Variants in SUSD5 observed in about 807,000 individuals in gnomAD.
SUSD5 encodes sushi domain-containing protein 5.
In SUSD5, 33 loss-of-function variants were observed where a neutral mutation model predicts 29.5. That is an observed-to-expected ratio of 1.12 (90% CI 0.85 to 1.49). The LOEUF is 1.49. Ranked by LOEUF, SUSD5 falls within the 40% of genes most tolerant of loss-of-function variation. The pLI is 0.00. For missense variants in SUSD5, 776 were observed against 800.6 expected (o/e 0.97, Z 0.37); for synonymous variants, 308 against 325.3 (o/e 0.95, Z 0.57).
intron 3 of SUSD5, among the ~76,000 whole-genome samples, chr3:33,185,396 G>A (rs1234217727): frequency 6.6e-6 from 1 of 152,180 alleles, no homozygotes; most frequent in Non-Finnish European, 1.5e-5. Flanking sequence ...CAAAAGCATG[G>A]GGGCCCCTTG....
intron 3 of SUSD5, among the ~76,000 whole-genome samples, chr3:33,183,290 C>T (rs574111373): frequency 2.6e-4 from 39 of 151,924 alleles, no homozygotes; most frequent in African/African-American, 7.0e-4. Context: ...TATTTGTTAC[C>T]GTATTTTCTG....
rs776880429 is a variant in SUSD5 at position 33,214,065 on chromosome 3, G to A, written c.153C>T (p.Gly51=). ...FVLESQNGSQ[G]LQLEAARLSC... Reference sequence around the variant, plus strand: ...AAAGCCGAGCAGCCTCCAGTTGTAGGCCCTGAGAGCCATTCTGAGACTCCA... The same window carrying A: ...AAAGCCGAGCAGCCTCCAGTTGTAGACCCTGAGAGCCATTCTGAGACTCCA... The change falls in exon 2 of 5, where the codon GGC becomes GGT. Residue 51 remains glycine (G), a synonymous_variant. Transcript: ENST00000309558. The A allele has an allele frequency of 7.4e-6, 12 of 1,612,608 alleles. No individual in the cohort carries two copies. The highest frequency in any genetic ancestry group is 1.7e-4 in the Middle Eastern group (1 of 6,060).
In SUSD5 at chr3:33,153,927, C is replaced by T. The variant is rs2030986162; in HGVS notation, c.705G>A (p.Arg235=). 6.2e-7 allele frequency: 1 copy of T among 1,613,804 alleles called. No individual in the cohort carries two copies. Among genetic ancestry groups the T allele is most frequent in the African/African-American group, 1.3e-5 (1 of 74,858 alleles). ...CCTCCTCAGAGGAGTCTCCCTGACCCCTGTCCTCATCTGCCTCTGTCCGGG... is the reference window on the plus strand; with the variant it reads ...CCTCCTCAGAGGAGTCTCCCTGACCTCTGTCCTCATCTGCCTCTGTCCGGG... ...EDSRTEADED[R]GQGDSSEEAP... The change falls in exon 5 of 5, where the codon AGG becomes AGA. Residue 235 remains arginine, a synonymous_variant. Transcript: ENST00000309558.
At chr3:33,177,649 T>G (rs1181358308) in intron 3 of SUSD5, among the ~76,000 whole-genome samples, 1 of 152,136 alleles carries the variant, frequency 6.6e-6, no homozygotes, top group African/African-American at 2.4e-5. Context: ...CTTGGGATTA[T>G]AGGCATGAGC....
intron 3 of SUSD5, among the ~76,000 whole-genome samples, chr3:33,180,583 T>C (rs994534441): frequency 2.6e-5 from 4 of 152,034 alleles, no homozygotes; most frequent in South Asian, 2.1e-4. Context: ...TCCCAACACT[T>C]TGGAAGGCTG....
chr3:33,218,094 T>C (rs555453592), intron 1 of SUSD5, among the ~76,000 whole-genome samples: 2 of 152,348 alleles, frequency 1.3e-5, no homozygotes, highest in Admixed American at 6.5e-5. Context: ...CTCTACCTCA[T>C]GTCTCAAGAC....
In SUSD5 at chr3:33,151,298, G is replaced by C. The variant is rs2030871774; in HGVS notation, c.*1444C>G. ...ATTCCCAGGTGACGCTGATGCTACT[G>C]GTCTGAGGACCACACTTTGAGAACC... On this transcript the variant is annotated 3_prime_UTR_variant, in exon 5 of 5. Transcript: ENST00000309558. The C allele has an allele frequency of 6.6e-6, 1 of 152,156 alleles. No individual in the cohort carries two copies. Among genetic ancestry groups the C allele is most frequent in the East Asian group, 1.9e-4 (1 of 5,196 alleles). 9.4% of individuals were successfully genotyped at this position (152,156 alleles called of 1,614,324 possible).
At chr3:33,175,562 A>T (rs56296955) in intron 3 of SUSD5, among the ~76,000 whole-genome samples, 6 of 137,938 alleles carry the variant, frequency 4.3e-5, no homozygotes, top group South Asian at 2.6e-4. Context: ...ACACACACAC[A>T]CTATATATAT....
At chr3:33,157,548 A>G (rs2125614018) in intron 4 of SUSD5, among the ~76,000 whole-genome samples, 1 of 152,312 alleles carries the variant, frequency 6.6e-6, no homozygotes, top group South Asian at 2.1e-4. Context: ...GACAGACTGC[A>G]ATAATGGCCA....
intron 3 of SUSD5, among the ~76,000 whole-genome samples, chr3:33,199,511 G>A (rs1225811893): frequency 6.6e-6 from 1 of 152,232 alleles, no homozygotes; most frequent in Non-Finnish European, 1.5e-5. Context: ...CTGACCTCGT[G>A]ATCCGCCCGC....
intron 3 of SUSD5, among the ~76,000 whole-genome samples, chr3:33,182,034 T>C (rs780778000): frequency 3.3e-5 from 5 of 152,258 alleles, no homozygotes; most frequent in African/African-American, 4.8e-5. Flanking sequence ...GCTAAGATTA[T>C]TGATTTTAGA....
chr3:33,150,541 C>T lies in SUSD5; in HGVS notation c.*2201G>A, dbSNP rs996090211. On this transcript the variant is annotated 3_prime_UTR_variant, in exon 5 of 5. Transcript: ENST00000309558. ...TTAGGATCTAATTTATAAATATATACAGTCTCTGGCTTTTATTCTATTATG... is the reference window on the plus strand; with the variant it reads ...TTAGGATCTAATTTATAAATATATATAGTCTCTGGCTTTTATTCTATTATG... 1 of 152,082 alleles carries T rather than the reference C, an allele frequency of 6.6e-6. No homozygotes were observed. The highest frequency in any genetic ancestry group is 1.5e-5 in the Non-Finnish European group (1 of 68,024). The allele number at this position is 152,082 out of a possible 1,614,324, so 9.4% of individuals were successfully genotyped here. A position where few individuals can be genotyped will look rare whatever the true frequency, so the allele number is the denominator to read the frequency against.
At chr3:33,159,955 C>T (rs1016052820) in intron 4 of SUSD5, among the ~76,000 whole-genome samples, 2 of 152,126 alleles carry the variant, frequency 1.3e-5, no homozygotes, top group South Asian at 4.1e-4. Flanking sequence ...CAGAAATGGT[C>T]CTGGGAGTCA....
At chr3:33,213,860 C>T in intron 2 of SUSD5, 68 bp downstream of exon 2, 1 of 1,482,216 alleles carries the variant, frequency 6.7e-7, no homozygotes, top group Non-Finnish European at 9.1e-7. Flanking sequence ...AGAACAATTA[C>T]TGAGTCCTAT....
chr3:33,212,381 AAATT>A (rs2032338457), intron 2 of SUSD5, among the ~76,000 whole-genome samples: 1 of 152,240 alleles, frequency 6.6e-6, no homozygotes, highest in Admixed American at 6.5e-5. Flanking sequence ...AAAAACTAAT[AAATT>A]AATAAAAATT....
chr3:33,206,412 A>AGAGAGT (rs1415090548), intron 3 of SUSD5, among the ~76,000 whole-genome samples: 1 of 148,566 alleles, frequency 6.7e-6, no homozygotes, highest in Admixed American at 6.7e-5. Context: ...AATTTACTTG[A>AGAGAGT]GTGTGTGTGT....
intron 2 of SUSD5, among the ~76,000 whole-genome samples, chr3:33,209,456 C>G (rs2032282324): frequency 6.6e-6 from 1 of 151,730 alleles, no homozygotes; most frequent in Non-Finnish European, 1.5e-5. Context: ...ATTTTTCATC[C>G]TTTTTCCCTC....
At position 33,172,173 on chromosome 3, in the gene SUSD5, C is replaced by G. The variant is rs575991509; in HGVS notation, c.598+2713G>C. On this transcript the variant is annotated intron_variant, in intron 4 of 4. Transcript: ENST00000309558. ...AAGCAATTCATCTGGTGAAGATACT[C>G]TTGTAAAACACACACACACACACAC... Among the ~76,000 whole-genome samples, 821 of 135,508 alleles carry G rather than the reference C, an allele frequency of 6.1e-3. 9 individuals carry two copies. Among genetic ancestry groups the G allele is most frequent in the South Asian group, 0.021 (85 of 4,138 alleles). 88.9% of individuals were successfully genotyped at this position (135,508 alleles called of 152,430 possible). A position where few individuals can be genotyped will look rare whatever the true frequency, so the allele number is the denominator to read the frequency against.
chr3:33,158,256 A>G (rs1339468009), intron 4 of SUSD5, among the ~76,000 whole-genome samples: 4 of 152,208 alleles, frequency 2.6e-5, no homozygotes, highest in Non-Finnish European at 5.9e-5. Context: ...ACTTGTACCC[A>G]TAGTCTCTCA....
Sources: gnomAD v4.1 joint callset for allele counts (sites outside exome capture counted in the v4.1 genomes callset) on GRCh38, gnomAD v4.1.1 for gene constraint, MANE v1.5 for transcripts, NCBI Gene and HGNC (gene_info 2026-07-23, HGNC 2026-07-21) for gene names.